Variants in NUBPL observed in about 807,000 individuals in gnomAD.
The protein encoded by NUBPL is NUBP iron-sulfur cluster assembly factor, mitochondrial.
A neutral mutation model predicts 45.7 loss-of-function variants in NUBPL; 31 were observed. The observed-to-expected ratio is 0.68, with a 90% CI of 0.51 to 0.92. The LOEUF (loss-of-function observed/expected upper bound fraction) is 0.92. NUBPL is among the 40% of genes least tolerant of loss of function. The pLI, the probability that NUBPL is intolerant of heterozygous loss-of-function variation, is 0.00. For synonymous variants in NUBPL, 144 were observed against 140.9 expected, an observed-to-expected ratio of 1.02 and a Z score of -0.15; for missense variants, 401 against 398.7, an observed-to-expected ratio of 1.01 and a Z score of -0.05.
chr14:31,672,251 G>A (rs1475827868), intron 4 of NUBPL, among the ~76,000 whole-genome samples: 1 of 148,070 alleles, frequency 6.8e-6, no homozygotes, highest in East Asian at 2.0e-4. Context: ...TAACACTCCA[G>A]TGTAGGAAGG....
intron 7 of NUBPL, among the ~76,000 whole-genome samples, chr14:31,807,895 C>A (rs1302664762): frequency 6.6e-6 from 1 of 152,076 alleles, no homozygotes; most frequent in Non-Finnish European, 1.5e-5. Flanking sequence ...TTCCCCATTT[C>A]TTGTTTTTGT....
At chr14:31,735,624 C>T (rs1363982517) in intron 6 of NUBPL, among the ~76,000 whole-genome samples, 4 of 151,850 alleles carry the variant, frequency 2.6e-5, no homozygotes, top group Non-Finnish European at 5.9e-5. Flanking sequence ...GAGGCTGAGG[C>T]GGGCGAATCA....
At chr14:31,684,160 GA>G (rs1213475005) in intron 6 of NUBPL, among the ~76,000 whole-genome samples, 6 of 152,200 alleles carry the variant, frequency 3.9e-5, no homozygotes, top group Non-Finnish European at 8.8e-5. Context: ...ACCTTGGGCA[GA>G]AACTTCTCTG....
chr14:31,650,938 C>G (rs532021452), intron 4 of NUBPL, among the ~76,000 whole-genome samples: 114 of 152,056 alleles, frequency 7.5e-4, no homozygotes, highest in Non-Finnish European at 1.2e-3. Flanking sequence ...TTTTAACAAC[C>G]AGCACACATA....
chr14:31,810,443 T>C (rs2039778993), intron 7 of NUBPL, among the ~76,000 whole-genome samples: 1 of 152,204 alleles, frequency 6.6e-6, no homozygotes, highest in Admixed American at 6.5e-5. Context: ...TTGCAACCCC[T>C]GTTGTTTTTT....
intron 6 of NUBPL, among the ~76,000 whole-genome samples, chr14:31,749,453 C>T (rs182321164): frequency 7.9e-5 from 12 of 152,108 alleles, no homozygotes; most frequent in Admixed American, 3.9e-4. Flanking sequence ...TCTTCATTTC[C>T]GATTTTTGCT....
chr14:31,692,175 T>A (rs1415780661), intron 6 of NUBPL, among the ~76,000 whole-genome samples: 2 of 152,210 alleles, frequency 1.3e-5, no homozygotes. Context: ...TATTTTCTAT[T>A]TTGACTTTAA....
intron 9 of NUBPL, among the ~76,000 whole-genome samples, chr14:31,849,887 G>A (rs2040510689): frequency 1.3e-5 from 2 of 152,174 alleles, no homozygotes; most frequent in South Asian, 2.1e-4. Context: ...CCTTGATGTG[G>A]TGCCACAGAG....
At chr14:31,849,131 A>G (rs1487102546) in intron 9 of NUBPL, among the ~76,000 whole-genome samples, 1 of 152,236 alleles carries the variant, frequency 6.6e-6, no homozygotes, top group Non-Finnish European at 1.5e-5. Flanking sequence ...GAGGATCATG[A>G]AATAACATTT....
chr14:31,771,613 A>G (rs1381566182), intron 6 of NUBPL, among the ~76,000 whole-genome samples: 2 of 152,192 alleles, frequency 1.3e-5, no homozygotes, highest in Admixed American at 6.5e-5. Context: ...ATCACTCACC[A>G]ACAGCCTAAC....
intron 4 of NUBPL, among the ~76,000 whole-genome samples, chr14:31,621,935 CAGA>C (rs1253800675): frequency 6.6e-6 from 1 of 152,030 alleles, no homozygotes; most frequent in Admixed American, 6.6e-5. Context: ...TTGGAGGGCT[CAGA>C]AGAAGATAGG....
At chr14:31,654,322 A>T (rs979274682) in intron 4 of NUBPL, among the ~76,000 whole-genome samples, 1 of 151,862 alleles carries the variant, frequency 6.6e-6, no homozygotes. Context: ...TTGCCTTTGG[A>T]TGGTGTTGCC....
chr14:31,735,682 T>C (rs2139987782), intron 6 of NUBPL, among the ~76,000 whole-genome samples: 1 of 152,064 alleles, frequency 6.6e-6, no homozygotes, highest in South Asian at 2.1e-4. Flanking sequence ...TGAAACCCTG[T>C]CTCTACTAAA....
chr14:31,849,709 C>CT (rs36064478), intron 9 of NUBPL, among the ~76,000 whole-genome samples: 4 of 151,916 alleles, frequency 2.6e-5, no homozygotes, highest in East Asian at 1.9e-4. Flanking sequence ...TTTTGTTGTA[C>CT]TTTTTTTTGA....
intron 4 of NUBPL, among the ~76,000 whole-genome samples, chr14:31,629,801 C>T (rs1413558736): frequency 1.3e-5 from 2 of 152,106 alleles, no homozygotes; most frequent in African/African-American, 4.8e-5. Context: ...AATCTTTTCC[C>T]TTCCCAGACA....
intron 6 of NUBPL, among the ~76,000 whole-genome samples, chr14:31,772,902 G>T (rs1225102405): frequency 6.6e-6 from 1 of 152,052 alleles, no homozygotes; most frequent in Non-Finnish European, 1.5e-5. Context: ...GAAAGACATT[G>T]TAAAAAGGAT....
At chr14:31,751,743 C>G (rs1459589091) in intron 6 of NUBPL, among the ~76,000 whole-genome samples, 2 of 152,222 alleles carry the variant, frequency 1.3e-5, no homozygotes, top group Non-Finnish European at 2.9e-5. Context: ...GGCAGTGTCC[C>G]AGCGGGGACT....
At chr14:31,786,479 A>G (rs930620508) in intron 6 of NUBPL, among the ~76,000 whole-genome samples, 1 of 152,162 alleles carries the variant, frequency 6.6e-6, no homozygotes, top group African/African-American at 2.4e-5. Context: ...TGCACATTTT[A>G]CTGTCTTCAC....
chr14:31,715,566 G>A (rs117741454), intron 6 of NUBPL, among the ~76,000 whole-genome samples: 2,998 of 152,292 alleles, frequency 0.02, 37 homozygotes, highest in Admixed American at 0.028. Context: ...TAACACAATG[G>A]TAAATATTTG....
Sources: allele counts gnomAD v4.1 joint callset (sites outside exome capture counted in the v4.1 genomes callset), GRCh38; gene constraint gnomAD v4.1.1; transcripts MANE v1.5; gene names NCBI Gene and HGNC (gene_info 2026-07-23, HGNC 2026-07-21).